The following ARHGAP31 variants were observed in gnomAD, a reference collection of about 807,000 sequenced individuals.
ARHGAP31 encodes rho GTPase-activating protein 31.
In ARHGAP31, 34 loss-of-function variants were observed where a neutral mutation model predicts 113.9. The ratio of observed to expected loss-of-function variants is 0.30; its 90% CI spans 0.23 to 0.40. The LOEUF is 0.40. Ranked by LOEUF, ARHGAP31 falls within the 10% of genes least tolerant of loss-of-function variation. The pLI is 1.00. For missense variants in ARHGAP31, 1,548 were observed against 1,767.1 expected, an observed-to-expected ratio of 0.88 and a Z score of 2.22; for synonymous variants, 650 against 684.8, an observed-to-expected ratio of 0.95 and a Z score of 0.79.
At chr3:119,314,874 AAGAACTAATGGCCCCAGAGCCTGTATTT>A (rs1173089036) in intron 1 of ARHGAP31, 2 of 152,238 alleles carry the variant, frequency 1.3e-5, no homozygotes, top group Non-Finnish European at 2.9e-5. Flanking sequence ...TGTGTTCAGG[AAGAACTAATGGCCCCAGAGCCTGTATTT>A]ACTGATAGGC....
chr3:119,309,530 G>C (rs966719464), intron 1 of ARHGAP31, among the ~76,000 whole-genome samples: 1 of 152,096 alleles, frequency 6.6e-6, no homozygotes, highest in Non-Finnish European at 1.5e-5. Context: ...TGAGGCAGGA[G>C]AGTTGTTTGA....
chr3:119,369,837 A>G (rs972291742), intron 3 of ARHGAP31, among the ~76,000 whole-genome samples: 1 of 152,162 alleles, frequency 6.6e-6, no homozygotes, highest in Non-Finnish European at 1.5e-5. Context: ...CACTAAAAAT[A>G]TATTAGCTTT....
chr3:119,362,690 A>G (rs2080219061), intron 1 of ARHGAP31, among the ~76,000 whole-genome samples: 1 of 151,322 alleles, frequency 6.6e-6, no homozygotes, highest in African/African-American at 2.4e-5. Context: ...ATCACTTGAA[A>G]CTGGGAGGCC....
At chr3:119,386,783 G>A (rs543267122) in intron 6 of ARHGAP31, among the ~76,000 whole-genome samples, 4 of 152,344 alleles carry the variant, frequency 2.6e-5, no homozygotes, top group Admixed American at 2.0e-4. Flanking sequence ...GTAAGGTCAC[G>A]TGGGTCACGT....
chr3:119,387,134 G>A (rs961095495), intron 6 of ARHGAP31, among the ~76,000 whole-genome samples: 1 of 152,182 alleles, frequency 6.6e-6, no homozygotes, highest in African/African-American at 2.4e-5. Flanking sequence ...GGTCTGCTAA[G>A]TAGTGGGTGT....
intron 1 of ARHGAP31, among the ~76,000 whole-genome samples, chr3:119,326,095 G>A (rs1028715913): frequency 1.3e-5 from 2 of 152,202 alleles, no homozygotes; most frequent in African/African-American, 4.8e-5. Flanking sequence ...AGGAGGCTGA[G>A]GCAGGAGAAT....
At chr3:119,321,899 C>T (rs918798479) in intron 1 of ARHGAP31, among the ~76,000 whole-genome samples, 1 of 152,158 alleles carries the variant, frequency 6.6e-6, no homozygotes, top group Non-Finnish European at 1.5e-5. Flanking sequence ...GTGATCTGCC[C>T]GCCTCAGCCT....
intron 1 of ARHGAP31, among the ~76,000 whole-genome samples, chr3:119,351,562 T>G (rs969252315): frequency 1.3e-5 from 2 of 151,746 alleles, no homozygotes; most frequent in Non-Finnish European, 2.9e-5. Context: ...AAGAATTAAA[T>G]GAAATAATGA....
intron 11 of ARHGAP31, among the ~76,000 whole-genome samples, chr3:119,411,367 G>C (rs1348164987): frequency 6.6e-6 from 1 of 151,248 alleles, no homozygotes; most frequent in African/African-American, 2.4e-5. Context: ...TGGGGCCATG[G>C]GGATAGAAAT....
At chr3:119,330,408 G>A (rs757043829) in intron 1 of ARHGAP31, among the ~76,000 whole-genome samples, 22 of 152,150 alleles carry the variant, frequency 1.4e-4, no homozygotes, top group Admixed American at 1.3e-3. Flanking sequence ...GGTCTGTGTT[G>A]CAGTGGCCAG....
intron 8 of ARHGAP31, among the ~76,000 whole-genome samples, chr3:119,394,430 T>C (rs2080530371): frequency 6.6e-6 from 1 of 152,180 alleles, no homozygotes; most frequent in African/African-American, 2.4e-5. Flanking sequence ...TAGAAATTGA[T>C]ACAGGAAGGA....
intron 3 of ARHGAP31, among the ~76,000 whole-genome samples, chr3:119,369,777 A>C: frequency 6.6e-6 from 1 of 152,206 alleles, no homozygotes; most frequent in Non-Finnish European, 1.5e-5. Flanking sequence ...CATTTCAGTG[A>C]TGGGATTTCA....
intron 1 of ARHGAP31, among the ~76,000 whole-genome samples, chr3:119,313,330 T>A (rs888262519): frequency 6.6e-6 from 1 of 152,218 alleles, no homozygotes; most frequent in Admixed American, 6.5e-5. Flanking sequence ...TTTTAAACCA[T>A]AATTTATTTC....
chr3:119,336,956 G>A (rs2079956209), intron 1 of ARHGAP31, among the ~76,000 whole-genome samples: 1 of 152,100 alleles, frequency 6.6e-6, no homozygotes, highest in Admixed American at 6.5e-5. Flanking sequence ...TATTTTCAAG[G>A]GATATCCACA....
Position 119,420,362 on chromosome 3 carries a change from C to G in ARHGAP31, c.*4098C>G, listed in dbSNP as rs2107649931. The G allele has an allele frequency of 6.6e-6, 1 of 150,646 alleles. No homozygotes were observed. Among genetic ancestry groups the G allele is most frequent in the Admixed American group, 6.6e-5 (1 of 15,048 alleles). 9.3% of individuals were successfully genotyped at this position (150,646 alleles called of 1,614,324 possible). A position where few individuals can be genotyped will look rare whatever the true frequency, so the allele number is the denominator to read the frequency against. ...AGAATATGTGCTCTACTACCAAAAC[C>G]TTTCCTAGCAAAACAAGGCCAGAAG... On this transcript the variant is annotated 3_prime_UTR_variant, in exon 12 of 12. Transcript: ENST00000264245.
At chr3:119,337,210 T>C (rs1441849202) in intron 1 of ARHGAP31, among the ~76,000 whole-genome samples, 1 of 152,206 alleles carries the variant, frequency 6.6e-6, no homozygotes, top group Non-Finnish European at 1.5e-5. Flanking sequence ...CTGGAGTTTG[T>C]TCCTTCTGAT....
Position 119,415,357 on chromosome 3 carries a change from C to T in ARHGAP31, c.3428C>T (p.Thr1143Ile). The change falls in exon 12 of 12, where the codon ACA (threonine) becomes ATA (isoleucine). Residue 1143 changes from threonine to isoleucine, a missense_variant. Coordinates refer to ENST00000264245, the MANE Select transcript of ARHGAP31 (RefSeq NM_020754.4). ...TCTGAGCCAGGAGACCCAAAGGTCA[C>T]ATGGATGACCTCATCTTACTGTAAA... ...QVSEPGDPKVTWMTSSYCKAD... is the reference protein window; with the variant it reads ...QVSEPGDPKVIWMTSSYCKAD... The T allele has an allele frequency of 6.2e-7, 1 of 1,614,080 alleles. No homozygotes were observed.
intron 1 of ARHGAP31, among the ~76,000 whole-genome samples, chr3:119,346,285 T>C (rs1379949631): frequency 2.0e-5 from 3 of 152,246 alleles, no homozygotes; most frequent in Admixed American, 6.5e-5. Flanking sequence ...ATGAGATCTT[T>C]AGAACAATAA....
At position 119,415,397 on chromosome 3, in the gene ARHGAP31, G is replaced by A. The variant is rs1053563588; in HGVS notation, c.3468G>A (p.Arg1156=). The A allele has an allele frequency of 6.2e-7, 1 of 1,613,996 alleles. No individual in the cohort carries two copies. Among genetic ancestry groups the A allele is most frequent in the Non-Finnish European group, 8.5e-7 (1 of 1,180,018 alleles). Residue 1156 remains arginine (R), a synonymous_variant, in exon 12 of 12, where the codon AGG becomes AGA. Transcript: ENST00000264245. ...TSSYCKADPW[R]VYSQDPQDLD... Reference sequence around the variant, plus strand: ...CTTACTGTAAAGCAGACCCCTGGAGGGTTTACTCCCAGGACCCCCAGGACC... The same window carrying A: ...CTTACTGTAAAGCAGACCCCTGGAGAGTTTACTCCCAGGACCCCCAGGACC...
Sources: allele counts gnomAD v4.1 joint callset (sites outside exome capture counted in the v4.1 genomes callset), GRCh38; gene constraint gnomAD v4.1.1; transcripts MANE v1.5; gene names NCBI Gene and HGNC (gene_info 2026-07-23, HGNC 2026-07-21).